POLB: variants seen among roughly 807,000 people sequenced by gnomAD.
POLB encodes 5'-dRP lyase.
In POLB, 37 loss-of-function variants were observed where a neutral mutation model predicts 52.7. The ratio of observed to expected loss-of-function variants is 0.70; its 90% CI spans 0.54 to 0.92. The LOEUF is 0.92. Ranked by LOEUF, POLB falls within the 40% of genes least tolerant of loss-of-function variation. POLB has a pLI of 0.00. For missense variants in POLB, 313 were observed against 400.8 expected, an observed-to-expected ratio of 0.78 and a Z score of 1.87; for synonymous variants, 138 against 131.3, an observed-to-expected ratio of 1.05 and a Z score of -0.35.
chr8:42,363,081 C>T (rs1220025735), intron 11 of POLB, among the ~76,000 whole-genome samples: 1 of 151,086 alleles, frequency 6.6e-6, no homozygotes, highest in East Asian at 2.0e-4. Context: ...ATAGATCGTG[C>T]CACTGCACTT....
At position 42,352,417 on chromosome 8, in the gene POLB, G is replaced by A. The variant is rs1585888038; in HGVS notation, c.321-102G>A. The A allele has an allele frequency of 6.4e-6, 5 of 776,580 alleles. 1 individual carries two copies. In the Admixed American group the frequency reaches 9.1e-5, roughly 14 times the overall value. The allele number at this position is 776,580 out of a possible 1,614,324, so 48.1% of individuals were successfully genotyped here. A position where few individuals can be genotyped will look rare whatever the true frequency, so the allele number is the denominator to read the frequency against. ...AAGTAGCCATGCAACATTTTAGCAG[G>A]TCTTGTTTAGCTTAATAGCAGCTCT... On this transcript the variant is annotated intron_variant, in intron 5 of 13. Coordinates refer to ENST00000265421, the MANE Select transcript of POLB (RefSeq NM_002690.3).
chr8:42,370,310 C>A, intron 13 of POLB: 1 of 391,992 alleles, frequency 2.6e-6, no homozygotes, highest in South Asian at 2.0e-5. Flanking sequence ...ACCTCTAGGA[C>A]CCCTGAAAAA....
At chr8:42,342,589 A>G (rs1003260594) in intron 2 of POLB, 3 of 713,116 alleles carry the variant, frequency 4.2e-6, no homozygotes, top group Admixed American at 2.0e-5. Flanking sequence ...TTCATTTGGT[A>G]TCTCTTAAAG....
chr8:42,351,827 G>C (rs536908159), intron 5 of POLB, among the ~76,000 whole-genome samples: 24 of 152,250 alleles, frequency 1.6e-4, no homozygotes, highest in Non-Finnish European at 2.6e-4. Flanking sequence ...GGCTCTAAAA[G>C]CACAGTAGAG....
chr8:42,338,821 C>T, intron 1 of POLB, 136 bp downstream of exon 1: 1 of 1,007,758 alleles, frequency 9.9e-7, no homozygotes, highest in Non-Finnish European at 1.5e-6. Flanking sequence ...GGGGATCTCC[C>T]TCCGGCGCCC....
chr8:42,368,594 G>A (rs1824185197), intron 11 of POLB, among the ~76,000 whole-genome samples: 1 of 152,094 alleles, frequency 6.6e-6, no homozygotes, highest in African/African-American at 2.4e-5. Flanking sequence ...TTCAGGAAAG[G>A]GAAAAGATAA....
At chr8:42,350,770 T>C (rs1822929543) in intron 5 of POLB, among the ~76,000 whole-genome samples, 1 of 152,204 alleles carries the variant, frequency 6.6e-6, no homozygotes, top group South Asian at 2.1e-4. Flanking sequence ...GTGAAAGTTA[T>C]TCTAAAACAT....
intron 5 of POLB, among the ~76,000 whole-genome samples, chr8:42,350,844 T>C (rs1220228493): frequency 6.8e-6 from 1 of 147,914 alleles, no homozygotes; most frequent in African/African-American, 2.5e-5. Context: ...AAGGCCATTA[T>C]AAAATTTTCA....
chr8:42,361,190 T>C (rs918027511), intron 9 of POLB, 105 bp from the exon 10 acceptor site: 13 of 784,182 alleles, frequency 1.7e-5, no homozygotes, highest in Non-Finnish European at 3.0e-5. Flanking sequence ...AATAGAAAGT[T>C]AGGCTGTAAG....
At chr8:42,342,007 A>G in intron 2 of POLB, 1 of 764,440 alleles carries the variant, frequency 1.3e-6, no homozygotes, top group South Asian at 1.4e-5. Flanking sequence ...AAGCATCTTT[A>G]TCTTCCATTA....
intron 6 of POLB, 138 bp downstream of exon 6, chr8:42,352,706 G>T: frequency 3.1e-6 from 2 of 651,056 alleles, no homozygotes; most frequent in Non-Finnish European, 5.5e-6. Flanking sequence ...TAACTCTGTA[G>T]TACAGTAGAT....
At chr8:42,361,818 G>T in intron 10 of POLB, 2 of 159,968 alleles carry the variant, frequency 1.3e-5, no homozygotes, top group Admixed American at 6.0e-5. Flanking sequence ...TTCAAGAACA[G>T]GAAAACTCTT....
chr8:42,359,521 ATTTTTTTTTT>A (rs900964546), intron 9 of POLB, among the ~76,000 whole-genome samples: 9 of 110,534 alleles, frequency 8.1e-5, no homozygotes, highest in Non-Finnish European at 1.2e-4. Flanking sequence ...CACCCGGCTA[ATTTTTTTTTT>A]TTTTTTTTTT....
intron 6 of POLB, among the ~76,000 whole-genome samples, chr8:42,354,073 CTG>C (rs1246796927): frequency 4.6e-5 from 7 of 152,134 alleles, no homozygotes; most frequent in Non-Finnish European, 1.0e-4. Flanking sequence ...GGTCAAGAAT[CTG>C]TGGGTTTCTT....
chr8:42,370,042 T>C, intron 13 of POLB, 54 bp downstream of exon 13: 1 of 1,445,020 alleles, frequency 6.9e-7, no homozygotes, highest in Non-Finnish European at 9.7e-7. Flanking sequence ...AGAAGGTTAT[T>C]TTCAAAGATA....
intron 2 of POLB, chr8:42,340,049 T>C (rs1439615049): frequency 6.6e-6 from 1 of 152,228 alleles, no homozygotes; most frequent in Non-Finnish European, 1.5e-5. Context: ...GAAGTCCCAG[T>C]CCTTGCCTGG....
intron 2 of POLB, chr8:42,342,331 C>A (rs886193716): frequency 6.6e-7 from 1 of 1,515,614 alleles, no homozygotes; most frequent in Non-Finnish European, 9.0e-7. Flanking sequence ...CAGCAGCAGG[C>A]CAGTACAATA....
Position 42,338,667 on chromosome 8 carries a change from A to G in POLB, c.43A>G (p.Ile15Val). The stretch of plus-strand genomic sequence containing the variant: ...GCCGCAGGAGACTCTCAACGGGGGA[A>G]TCACCGACATGCTCACAGGTTAGCA... Reference protein sequence around the residue: ...KAPQETLNGGITDMLTELANF... With the variant: ...KAPQETLNGGVTDMLTELANF... Residue 15 changes from isoleucine to valine, a missense_variant, in exon 1 of 14, where the codon ATC becomes GTC. Physicochemically the swap from Ile to Val is conservative, Grantham distance 29. Around this residue, in one of 3 missense-constraint regions of POLB, gnomAD observed 54 missense variants for 63.4 expected, o/e 0.85. Coordinates refer to ENST00000265421, the MANE Select transcript of POLB (RefSeq NM_002690.3). 1 of 1,613,628 alleles carries G rather than the reference A, an allele frequency of 6.2e-7. No individual in the cohort carries two copies. The highest frequency in any genetic ancestry group is 8.5e-7 in the Non-Finnish European group (1 of 1,179,548).
At chr8:42,357,676 G>T (rs1020330967) in intron 9 of POLB, 31 of 321,508 alleles carry the variant, frequency 9.6e-5, no homozygotes, top group South Asian at 3.4e-4. Flanking sequence ...TGGCCTTTTG[G>T]CTGGATGATA....
Sources: gnomAD v4.1 joint callset for allele counts (sites outside exome capture counted in the v4.1 genomes callset) on GRCh38, gnomAD v4.1.1 for gene constraint, gnomAD v4.1.1 regional missense constraint, MANE v1.5 for transcripts, NCBI Gene and HGNC (gene_info 2026-07-23, HGNC 2026-07-21) for gene names.